ZBTB7C: variants seen among roughly 807,000 people sequenced by gnomAD.
ZBTB7C encodes the protein zinc finger and BTB domain containing 7C.
In ZBTB7C, 8 loss-of-function variants were observed where a neutral mutation model predicts 25.7. The ratio of observed to expected loss-of-function variants is 0.31; its 90% CI spans 0.18 to 0.56. The LOEUF (loss-of-function observed/expected upper bound fraction) is 0.56. Ranked by LOEUF, ZBTB7C falls within the 20% of genes least tolerant of loss-of-function variation. The pLI is 0.91. For missense variants in ZBTB7C, 824 were observed against 855.2 expected (o/e 0.96, Z 0.46); for synonymous variants, 394 against 369.0 (o/e 1.07, Z -0.78).
chr18:48,161,805 C>T (rs1171228258), intron 3 of ZBTB7C, among the ~76,000 whole-genome samples: 2 of 151,868 alleles, frequency 1.3e-5, no homozygotes, highest in Admixed American at 6.6e-5. Context: ...TCTGCGCCCC[C>T]GCGGCCTCTC....
At chr18:48,353,176 G>A (rs1048600797) in intron 1 of ZBTB7C, among the ~76,000 whole-genome samples, 6 of 152,156 alleles carry the variant, frequency 3.9e-5, no homozygotes, top group African/African-American at 1.4e-4. Flanking sequence ...GTATGGATAT[G>A]TATACTCAAT....
chr18:48,337,974 T>C (rs1423838962), intron 2 of ZBTB7C, among the ~76,000 whole-genome samples, 200 bp downstream of exon 2: 6 of 152,174 alleles, frequency 3.9e-5, no homozygotes, highest in Non-Finnish European at 7.4e-5. Flanking sequence ...TGCTAAATCT[T>C]CCAGTGCTTG....
At chr18:48,299,750 AGGC>A in intron 2 of ZBTB7C, among the ~76,000 whole-genome samples, 1 of 152,390 alleles carries the variant, frequency 6.6e-6, no homozygotes. Context: ...GCATGTGCAA[AGGC>A]CCTGTGGGGA....
chr18:48,075,491 A>G (rs6507800), intron 3 of ZBTB7C, among the ~76,000 whole-genome samples: 152,316 of 152,344 alleles, frequency 1, 76,144 homozygotes, highest in Non-Finnish European at 1. Flanking sequence ...GTTCCAGGAA[A>G]CACAGAGCAG....
intron 2 of ZBTB7C, among the ~76,000 whole-genome samples, chr18:48,210,022 C>T (rs899774390): frequency 6.6e-6 from 1 of 152,130 alleles, no homozygotes; most frequent in African/African-American, 2.4e-5. Context: ...TCTGAATAGA[C>T]ATATCTTCAA....
At chr18:48,380,950 G>A (rs1357653194) in intron 1 of ZBTB7C, among the ~76,000 whole-genome samples, 2 of 152,182 alleles carry the variant, frequency 1.3e-5, no homozygotes, top group Non-Finnish European at 1.5e-5. Context: ...CCACCTTTTG[G>A]AGAGAAAAAG....
At chr18:48,091,397 G>A (rs866734139) in intron 3 of ZBTB7C, among the ~76,000 whole-genome samples, 4 of 151,844 alleles carry the variant, frequency 2.6e-5, no homozygotes, top group Admixed American at 6.6e-5. Flanking sequence ...ATATTGTTTT[G>A]AGATGTATCA....
chr18:48,286,348 C>G (rs571949769), intron 2 of ZBTB7C, among the ~76,000 whole-genome samples: 1 of 151,444 alleles, frequency 6.6e-6, no homozygotes, highest in Non-Finnish European at 1.5e-5. Flanking sequence ...TTTGAAAGTA[C>G]AGAAATAATT....
At chr18:48,181,511 C>T (rs939361129) in intron 3 of ZBTB7C, among the ~76,000 whole-genome samples, 1 of 152,098 alleles carries the variant, frequency 6.6e-6, no homozygotes, top group African/African-American at 2.4e-5. Flanking sequence ...CCTTTCTGAA[C>T]AAAGAGGCAA....
intron 2 of ZBTB7C, chr18:48,203,269 G>C (rs1162516419): frequency 2.0e-5 from 3 of 152,290 alleles, no homozygotes; most frequent in Non-Finnish European, 4.4e-5. Flanking sequence ...GTGGCTCCAA[G>C]CACAGTCCTA....
At position 48,065,140 on chromosome 18, in the gene ZBTB7C, G is replaced by A. The variant is rs561725208; in HGVS notation, c.-16-24017C>T. ...GCCCCCCGCCCCCTCCCTGTCCAGC[G>A]AGCGCATGCGCACACAGCGCTAGGC... On this transcript the variant is annotated intron_variant, in intron 3 of 4. Transcript: ENST00000590800. 6.1e-5 allele frequency among the ~76,000 whole-genome samples: 9 copies of A among 148,160 alleles called. No individual in the cohort carries two copies. The East Asian group carries it at 8.0e-4, about 13-fold the overall frequency.
chr18:48,128,852 T>C (rs965162614), intron 3 of ZBTB7C, among the ~76,000 whole-genome samples: 3 of 142,814 alleles, frequency 2.1e-5, no homozygotes, highest in African/African-American at 7.4e-5. Context: ...CCCTAAAAGC[T>C]ATTGAAATAA....
intron 3 of ZBTB7C, among the ~76,000 whole-genome samples, chr18:48,108,044 T>G (rs2039096029): frequency 6.6e-6 from 1 of 152,192 alleles, no homozygotes; most frequent in Non-Finnish European, 1.5e-5. Flanking sequence ...GAAATTCCAT[T>G]AGAAAGTCAT....
chr18:48,095,813 T>C (rs1163406801), intron 3 of ZBTB7C, among the ~76,000 whole-genome samples: 5 of 152,202 alleles, frequency 3.3e-5, no homozygotes, highest in Non-Finnish European at 5.9e-5. Flanking sequence ...AACCCACGGC[T>C]GAGGGACAGA....
chr18:48,077,061 G>T, intron 3 of ZBTB7C: 1 of 373,556 alleles, frequency 2.7e-6, no homozygotes, highest in Non-Finnish European at 3.1e-6. Flanking sequence ...GTTGTTATAT[G>T]CAAAAAAAAA....
At chr18:48,186,218 C>T (rs1269751276) in intron 2 of ZBTB7C, among the ~76,000 whole-genome samples, 1 of 152,220 alleles carries the variant, frequency 6.6e-6, no homozygotes, top group African/African-American at 2.4e-5. Context: ...CTGCCTCCCT[C>T]TCCCTCCCCG....
chr18:48,127,947 T>TGCCCA (rs891089056), intron 3 of ZBTB7C, among the ~76,000 whole-genome samples: 17 of 152,290 alleles, frequency 1.1e-4, no homozygotes, highest in Admixed American at 1.0e-3. Flanking sequence ...GGCCAGAGGC[T>TGCCCA]GCCCAGCCCA....
chr18:48,129,430 G>A (rs1448736777), intron 3 of ZBTB7C, among the ~76,000 whole-genome samples: 2 of 151,430 alleles, frequency 1.3e-5, no homozygotes, highest in East Asian at 3.9e-4. Flanking sequence ...GCCAACTGAG[G>A]AGCCCTCCCT....
intron 3 of ZBTB7C, among the ~76,000 whole-genome samples, chr18:48,121,318 G>A (rs1422774251): frequency 6.6e-6 from 1 of 152,104 alleles, no homozygotes; most frequent in Non-Finnish European, 1.5e-5. Flanking sequence ...ACTGTCATCA[G>A]AGCCCAGGGA....
Sources: allele counts gnomAD v4.1 joint callset (sites outside exome capture counted in the v4.1 genomes callset), GRCh38; gene constraint gnomAD v4.1.1; transcripts MANE v1.5; gene names NCBI Gene and HGNC (gene_info 2026-07-23, HGNC 2026-07-21).